Variants in DOP1B observed in about 807,000 individuals in gnomAD.
DOP1B encodes protein DOP1B.
Under a neutral mutation model 233.5 loss-of-function variants are expected in DOP1B, and 174 were observed. The observed-to-expected ratio is 0.75, with a 90% CI of 0.66 to 0.85. The LOEUF (loss-of-function observed/expected upper bound fraction) is 0.85. Ranked by LOEUF, DOP1B falls within the 40% of genes least tolerant of loss-of-function variation. The pLI is 0.00. For synonymous variants in DOP1B, 1,190 were observed against 1,185.6 expected, an observed-to-expected ratio of 1.00 and a Z score of -0.08; for missense variants, 2,652 against 2,846.6, an observed-to-expected ratio of 0.93 and a Z score of 1.56.
rs768813541 is a variant in DOP1B, at chr21:36,200,454, C to T, written c.444C>T (p.Ile148=). 1.3e-5 allele frequency: 21 copies of T among 1,612,930 alleles called. No homozygotes were observed. In the African/African-American group the frequency reaches 1.7e-4, roughly 13 times the overall value. ...KLLLPSLQAF[I]VGLLPGLEEG... is the part of the protein sequence containing the mutation. Reference sequence around the variant, plus strand: ...TCCTGCCCAGTCTGCAGGCCTTCATCGTGGGCCTGCTGCCCGGCCTTGAAG... The same window carrying T: ...TCCTGCCCAGTCTGCAGGCCTTCATTGTGGGCCTGCTGCCCGGCCTTGAAG... The change falls in exon 4 of 37, where the codon ATC becomes ATT. Residue 148 remains isoleucine (I), a synonymous_variant. Transcript: ENST00000691173.
At chr21:36,281,011 A>G (rs896063941) in intron 31 of DOP1B, among the ~76,000 whole-genome samples, 1 of 152,036 alleles carries the variant, frequency 6.6e-6, no homozygotes, top group Non-Finnish European at 1.5e-5. Flanking sequence ...CAAAAAAATA[A>G]AAAAATAAGT....
chr21:36,289,714 G>C (rs147208939), intron 35 of DOP1B, among the ~76,000 whole-genome samples: 81 of 152,260 alleles, frequency 5.3e-4, no homozygotes, highest in Middle Eastern at 3.4e-3. Context: ...CCCACAAAGA[G>C]AGTAATCATA....
At chr21:36,216,807 T>A (rs1016074427) in intron 9 of DOP1B, among the ~76,000 whole-genome samples, 1 of 151,498 alleles carries the variant, frequency 6.6e-6, no homozygotes, top group Non-Finnish European at 1.5e-5. Flanking sequence ...CCGGGTGTGG[T>A]GGCTCATGCC....
At chr21:36,205,613 C>A (rs1291957727) in intron 4 of DOP1B, among the ~76,000 whole-genome samples, 1 of 151,936 alleles carries the variant, frequency 6.6e-6, no homozygotes, top group African/African-American at 2.4e-5. Context: ...ATCTTGAACT[C>A]CTGGGCTCAA....
chr21:36,234,810 T>C (rs1471700673), intron 15 of DOP1B, among the ~76,000 whole-genome samples: 1 of 152,146 alleles, frequency 6.6e-6, no homozygotes, highest in East Asian at 1.9e-4. Context: ...CAAAGTGCCT[T>C]ACAGGCGTGA....
intron 18 of DOP1B, among the ~76,000 whole-genome samples, chr21:36,243,365 CTTCT>C (rs2066914912): frequency 6.8e-6 from 1 of 147,028 alleles, no homozygotes; most frequent in Admixed American, 6.7e-5. Flanking sequence ...TTTTCCTTTT[CTTCT>C]TTTTTTTTTT....
At chr21:36,183,667 G>A (rs74743371) in intron 2 of DOP1B, among the ~76,000 whole-genome samples, 1 of 152,246 alleles carries the variant, frequency 6.6e-6, no homozygotes, top group Non-Finnish European at 1.5e-5. Flanking sequence ...CGGAACCTTT[G>A]TTGTGTTTTG....
At chr21:36,177,768 G>T (rs1007911908) in intron 2 of DOP1B, among the ~76,000 whole-genome samples, 11 of 152,214 alleles carry the variant, frequency 7.2e-5, no homozygotes, top group African/African-American at 2.7e-4. Context: ...GGACTCTGCA[G>T]AGAGTCTCCA....
At chr21:36,257,749 T>TAGATGTAGGTAGGTAGGTAGAG (rs1255874452) in intron 23 of DOP1B, among the ~76,000 whole-genome samples, 6 of 147,196 alleles carry the variant, frequency 4.1e-5, no homozygotes, top group Non-Finnish European at 7.4e-5. Context: ...GGTAGGTAGG[T>TAGATGTAGGTAGGTAGGTAGAG]AGATGTAGGT....
chr21:36,279,370 A>G (rs1292984719), intron 30 of DOP1B, among the ~76,000 whole-genome samples: 1 of 152,040 alleles, frequency 6.6e-6, no homozygotes, highest in East Asian at 1.9e-4. Context: ...GTGAGCTGTG[A>G]TTGTGCCACT....
At position 36,247,867 on chromosome 21, in the gene DOP1B, C is replaced by T. The variant is rs149415289; in HGVS notation, c.4809+239C>T. Among the ~76,000 whole-genome samples the T allele has an allele frequency of 6.8e-3, 1,035 of 152,348 alleles. 11 individuals carry two copies. Among genetic ancestry groups the T allele is most frequent in the African/African-American group, 0.024 (1,005 of 41,586 alleles). On this transcript the variant is annotated intron_variant, in intron 20 of 36. Coordinates refer to ENST00000691173, the MANE Select transcript of DOP1B (RefSeq NM_001320714.2). ...TATGCAAATGCATGTATATAATTAA[C>T]GCAAATGCATAAGTATGTATGTCAG... is the stretch of plus-strand genomic sequence containing the variant.
At chr21:36,211,858 G>T in intron 6 of DOP1B, 116 bp from the exon 7 acceptor site, 1 of 1,497,152 alleles carries the variant, frequency 6.7e-7, no homozygotes, top group East Asian at 2.3e-5. Flanking sequence ...AATGTGTAAG[G>T]AACCAGCCCA....
rs1205532401 is a variant in DOP1B, at chr21:36,199,263, T to C, written c.320+12T>C. Reference sequence around the variant, plus strand: ...TTGTTTCTGTACAGGTGCGATTGCTTCTCTGCTGTGTTCCTTTTTATTACC... The same window carrying C: ...TTGTTTCTGTACAGGTGCGATTGCTCCTCTGCTGTGTTCCTTTTTATTACC... On this transcript the variant is annotated intron_variant, in intron 3 of 36. Coordinates refer to ENST00000691173, the MANE Select transcript of DOP1B (RefSeq NM_001320714.2). 1 of 1,604,712 alleles carries C rather than the reference T, an allele frequency of 6.2e-7. No homozygotes were observed. The highest frequency in any genetic ancestry group is 8.5e-7 in the Non-Finnish European group (1 of 1,176,086).
chr21:36,176,455 C>T (rs1325889874), intron 2 of DOP1B, among the ~76,000 whole-genome samples: 1 of 152,142 alleles, frequency 6.6e-6, no homozygotes, highest in East Asian at 1.9e-4. Context: ...CTCAGCATCT[C>T]ACTTGTAGGG....
Position 36,211,586 on chromosome 21 carries a change from A to C in DOP1B, c.715A>C (p.Asn239His). ...TTTGCGTGCCTCCCTGTTGGACTCA[A>C]ATGTTCTTGTGCAAAGAAATAATCT... Reference protein sequence around the residue: ...KSLRASLLDSNVLVQRNNLEI... With the variant: ...KSLRASLLDSHVLVQRNNLEI... The change falls in exon 6 of 37, where the codon AAT becomes CAT. Residue 239 changes from asparagine to histidine, a missense_variant. Asn to His is a moderately conservative substitution (Grantham distance 68, BLOSUM62 1). This residue lies in a region of DOP1B where 2,617 missense variants were observed against 2,794.3 expected (regional missense o/e 0.94). Coordinates refer to ENST00000691173, the MANE Select transcript of DOP1B (RefSeq NM_001320714.2). The C allele has an allele frequency of 6.2e-7, 1 of 1,614,184 alleles. No individual in the cohort carries two copies. The highest frequency in any genetic ancestry group is 2.2e-5 in the East Asian group (1 of 44,890).
At chr21:36,215,368 C>T (rs904961639) in intron 9 of DOP1B, among the ~76,000 whole-genome samples, 1 of 152,042 alleles carries the variant, frequency 6.6e-6, no homozygotes, top group Non-Finnish European at 1.5e-5. Context: ...GAAAAGTGAC[C>T]TTCTCTCACT....
Position 36,245,485 on chromosome 21 carries a change from A to C in DOP1B, c.3505A>C (p.Ser1169Arg). ...SALLAAFQSESFKAGAKLSLV... is the reference protein window; with the variant it reads ...SALLAAFQSERFKAGAKLSLV... The stretch of plus-strand genomic sequence containing the variant: ...CCTGCTGGCGGCCTTCCAGTCAGAA[A>C]GCTTCAAGGCTGGGGCCAAGTTAAG... Residue 1169 changes from serine (S) to arginine (R), a missense_variant, in exon 19 of 37, where the codon AGC becomes CGC. Ser to Arg is a moderately radical substitution (Grantham distance 110). Around this residue, in one of 3 missense-constraint regions of DOP1B, gnomAD observed 2,617 missense variants for 2,794.3 expected, o/e 0.94. Transcript: ENST00000691173. The surrounding 1 kb of genome is among the most constrained non-coding windows in gnomAD (Gnocchi z 5.5). 8.1e-6 allele frequency: 13 copies of C among 1,613,838 alleles called. No homozygotes were observed. Among genetic ancestry groups the C allele is most frequent in the Non-Finnish European group, 1.1e-5 (13 of 1,180,048 alleles).
chr21:36,174,324 C>G (rs2066001918), intron 2 of DOP1B, among the ~76,000 whole-genome samples: 1 of 152,088 alleles, frequency 6.6e-6, no homozygotes, highest in Non-Finnish European at 1.5e-5. Flanking sequence ...CCCGTCTCTA[C>G]TAAAAATGCA....
chr21:36,246,751 A>G lies in DOP1B; in HGVS notation c.4697+74A>G. ...ATAACGAATGACTGTTTTGCCACGG[A>G]TGTGGATGTCGGTTGGAGGATAATT... On this transcript the variant is annotated intron_variant, in intron 19 of 36. Transcript: ENST00000691173. The surrounding 1 kb of genome is among the most constrained non-coding windows in gnomAD (Gnocchi z 5.1). The G allele has an allele frequency of 6.6e-7, 1 of 1,524,600 alleles. No individual in the cohort carries two copies. The highest frequency in any genetic ancestry group is 8.9e-7 in the Non-Finnish European group (1 of 1,129,602). 94.4% of individuals were successfully genotyped at this position (1,524,600 alleles called of 1,614,324 possible).
Sources: gnomAD v4.1 joint callset for allele counts (sites outside exome capture counted in the v4.1 genomes callset) on GRCh38, gnomAD v4.1.1 for gene constraint, gnomAD v4.1.1 regional missense constraint, Gnocchi (gnomAD v3.1) non-coding constraint, MANE v1.5 for transcripts, NCBI Gene and HGNC (gene_info 2026-07-23, HGNC 2026-07-21) for gene names.